The following TPO variants were observed in gnomAD, a reference collection of about 807,000 sequenced individuals.
TPO encodes thyroid peroxidase, also known as thyroid microsomal antigen.
In TPO, 78 loss-of-function variants were observed where a neutral mutation model predicts 96.9. The ratio of observed to expected loss-of-function variants is 0.81; its 90% CI spans 0.67 to 0.97. The LOEUF is 0.97. Ranked by LOEUF, TPO falls within the 50% of genes least tolerant of loss-of-function variation. The pLI is 0.00. For synonymous variants in TPO, 547 were observed against 538.0 expected, an observed-to-expected ratio of 1.02 and a Z score of -0.23; for missense variants, 1,252 against 1,274.8, an observed-to-expected ratio of 0.98 and a Z score of 0.27.
chr2:1,522,707 A>G (rs1464734846), intron 15 of TPO, among the ~76,000 whole-genome samples: 2 of 151,508 alleles, frequency 1.3e-5, no homozygotes, highest in East Asian at 3.9e-4. Flanking sequence ...CCCAAACACC[A>G]CCCACTGTCT....
Position 1,532,339 on chromosome 2 carries a change from CCT to C in TPO, c.2619-8254_2619-8253del, listed in dbSNP as rs539526506. ...CACTGTGCGCAACCTCCTCTAATCC[CCT>C]GTGTGCAACCTCCACAAATACCCCC... On this transcript the variant is annotated intron_variant, in intron 15 of 16. Transcript: ENST00000329066. 8.5e-4 allele frequency among the ~76,000 whole-genome samples: 33 copies of C among 38,968 alleles called. 3 individuals are homozygous for C. The highest frequency in any genetic ancestry group is 2.4e-3 in the African/African-American group (22 of 9,110). The allele number at this position is 38,968 out of a possible 152,430, so 25.6% of individuals were successfully genotyped here.
intron 3 of TPO, among the ~76,000 whole-genome samples, chr2:1,427,014 ACCCTAC>A (rs1210194371): frequency 6.6e-6 from 1 of 152,146 alleles, no homozygotes; most frequent in Non-Finnish European, 1.5e-5. Context: ...GTCTGAGACC[ACCCTAC>A]CCCCTCATTC....
intron 15 of TPO, among the ~76,000 whole-genome samples, chr2:1,535,250 CTG>C (rs1679337633): frequency 7.4e-6 from 1 of 134,972 alleles, no homozygotes; most frequent in Admixed American, 7.7e-5. Context: ...CCACCCCACT[CTG>C]TGCAACCTCC....
intron 11 of TPO, 23 bp downstream of exon 11, chr2:1,494,062 T>C: frequency 6.2e-7 from 1 of 1,607,538 alleles, no homozygotes; most frequent in Non-Finnish European, 8.5e-7. Flanking sequence ...CCAGAGCGTC[T>C]TCCTTCACGT....
rs1244078881 is a variant in TPO at position 1,496,173 on chromosome 2, G to T, written c.2191G>T (p.Ala731Ser). The change falls in exon 12 of 17, where the codon GCC becomes TCC. Residue 731 changes from alanine to serine, a missense_variant. By Grantham distance (99) the Ala-to-Ser change is moderately conservative. Transcript: ENST00000329066. ...CDSITGMNLE[A>S]WRETFPQDDK... is the part of the protein sequence containing the mutation. ...CAGCATCACTGGCATGAACCTGGAG[G>T]CCTGGAGGGAAACCTTTCCTCAAGG... 6.2e-7 allele frequency: 1 copy of T among 1,614,022 alleles called. No homozygotes were observed. Among genetic ancestry groups the T allele is most frequent in the Non-Finnish European group, 8.5e-7 (1 of 1,179,968 alleles).
chr2:1,377,272 T>C (rs980942874), intron 1 of TPO, among the ~76,000 whole-genome samples: 2 of 152,190 alleles, frequency 1.3e-5, no homozygotes, highest in African/African-American at 4.8e-5. Flanking sequence ...AAGAAAGTCG[T>C]ATGCATTGGA....
At chr2:1,475,567 G>C (rs544201027) in intron 7 of TPO, among the ~76,000 whole-genome samples, 1 of 152,056 alleles carries the variant, frequency 6.6e-6, no homozygotes, top group East Asian at 1.9e-4. Flanking sequence ...GGGACTACAG[G>C]TGCCCGCCAC....
chr2:1,518,938 C>A (rs1394198944), intron 15 of TPO, among the ~76,000 whole-genome samples: 1 of 152,182 alleles, frequency 6.6e-6, no homozygotes, highest in Non-Finnish European at 1.5e-5. Context: ...TGAGACTGTC[C>A]TGGAGTAGAG....
chr2:1,481,662 T>A (rs983783378), intron 8 of TPO, among the ~76,000 whole-genome samples: 13 of 152,130 alleles, frequency 8.5e-5, no homozygotes, highest in African/African-American at 3.1e-4. Flanking sequence ...CTTTTTCAGA[T>A]TGGTTGCTCT....
At chr2:1,500,128 C>T (rs576034664) in intron 13 of TPO, among the ~76,000 whole-genome samples, 9 of 152,188 alleles carry the variant, frequency 5.9e-5, no homozygotes, top group South Asian at 2.1e-4. Context: ...GGAATCTGTT[C>T]GGGTTTTTTT....
At chr2:1,418,699 CT>C (rs1663203570) in intron 2 of TPO, among the ~76,000 whole-genome samples, 1 of 152,218 alleles carries the variant, frequency 6.6e-6, no homozygotes, top group African/African-American at 2.4e-5. Flanking sequence ...GTGCAATTAT[CT>C]TTATGGCAAA....
At chr2:1,456,384 T>A (rs376413882) in intron 7 of TPO, 102 bp downstream of exon 7, 123 of 1,298,072 alleles carry the variant, frequency 9.5e-5, no homozygotes, top group Non-Finnish European at 9.0e-5. Context: ...TGTTTCTTTG[T>A]CCTATTCCCA....
intron 1 of TPO, among the ~76,000 whole-genome samples, chr2:1,380,122 C>T (rs567417954): frequency 7.9e-5 from 12 of 152,202 alleles, no homozygotes; most frequent in Admixed American, 3.9e-4. Context: ...TGGCCAGGTG[C>T]GGTGGCTCAC....
upstream of TPO, among the ~76,000 whole-genome samples, chr2:1,410,807 T>C (rs920446004): frequency 1.3e-5 from 2 of 152,120 alleles, no homozygotes; most frequent in Non-Finnish European, 2.9e-5. Flanking sequence ...TTCTGTCTTC[T>C]TTGGAGCTCC....
intron 1 of TPO, among the ~76,000 whole-genome samples, chr2:1,379,438 G>A (rs1367016771): frequency 6.6e-6 from 1 of 152,124 alleles, no homozygotes. Context: ...CTAAACAGGC[G>A]GTAGATCAAG....
chr2:1,518,839 C>T (rs2125085127), intron 15 of TPO, among the ~76,000 whole-genome samples: 1 of 152,274 alleles, frequency 6.6e-6, no homozygotes, highest in African/African-American at 2.4e-5. Flanking sequence ...TGTGCATTGC[C>T]CAGAACATAT....
chr2:1,443,652 G>A (rs1290593905), intron 5 of TPO, among the ~76,000 whole-genome samples: 6 of 139,428 alleles, frequency 4.3e-5, no homozygotes, highest in Non-Finnish European at 6.2e-5. Context: ...GTTCTTGTTT[G>A]TATGATCCAG....
In TPO at chr2:1,396,303, C is replaced by A. The variant is rs1387020456; in HGVS notation, n.180+21901C>A. ...GAGTTGAAGGGCACAGACACTAGACCAAGAGCAAACCACATCCCAAGAAGC... is the reference window on the plus strand; with the variant it reads ...GAGTTGAAGGGCACAGACACTAGACAAAGAGCAAACCACATCCCAAGAAGC... On this transcript the variant is annotated intron_variant and non_coding_transcript_variant, in intron 1 of 5. Transcript: ENST00000497517. Among the ~76,000 whole-genome samples the A allele has an allele frequency of 5.9e-5, 9 of 152,350 alleles. No homozygotes were observed. In the East Asian group the frequency reaches 7.7e-4, roughly 13 times the overall value.
chr2:1,536,019 TC>T (rs1364037014), intron 15 of TPO, among the ~76,000 whole-genome samples: 1 of 6,038 alleles, frequency 1.7e-4, no homozygotes, highest in Admixed American at 3.7e-3. Flanking sequence ...CCTCCTCAAA[TC>T]CCCCCACTGT....
Sources: allele counts gnomAD v4.1 joint callset (sites outside exome capture counted in the v4.1 genomes callset), GRCh38; gene constraint gnomAD v4.1.1; transcripts MANE v1.5; gene names NCBI Gene and HGNC (gene_info 2026-07-23, HGNC 2026-07-21).